Variants in ZNF721 observed in about 807,000 individuals in gnomAD.
ZNF721 encodes zinc finger protein 721.
A neutral mutation model predicts 2.4 loss-of-function variants in ZNF721; 2 were observed. The ratio of observed to expected loss-of-function variants is 0.82; its 90% confidence interval spans 0.34 to 2.58. The LOEUF (loss-of-function observed/expected upper bound fraction) is 2.58, where lower values mean the gene tolerates loss of function less well. Among genes scored for constraint, ZNF721 ranks in the 30% most tolerant of loss-of-function variants. The pLI, the probability that ZNF721 is intolerant of heterozygous loss-of-function variation, is 0.11. For synonymous variants in ZNF721, 398 were observed against 381.8 expected (o/e 1.04, Z -0.50); for missense variants, 1,187 against 1,085.5 (o/e 1.09, Z -1.31).
At chr4:446,489 T>G (rs1429492350) in intron 2 of ZNF721, among the ~76,000 whole-genome samples, 1 of 151,022 alleles carries the variant, frequency 6.6e-6, no homozygotes, top group Non-Finnish European at 1.5e-5. Flanking sequence ...CAAGCAATTC[T>G]TCTGCCTCAG....
chr4:495,185 A>AT (rs1395596974), intron 1 of ZNF721, among the ~76,000 whole-genome samples: 9 of 151,200 alleles, frequency 6.0e-5, no homozygotes, highest in East Asian at 1.9e-4. Context: ...CCCAGCCTAA[A>AT]TTTTTTTTTA....
intron 1 of ZNF721, among the ~76,000 whole-genome samples, chr4:484,197 A>C (rs530034847): frequency 1.3e-5 from 2 of 152,244 alleles, no homozygotes; most frequent in African/African-American, 4.8e-5. Context: ...TTTCATGGAC[A>C]CTTATCACTA....
At chr4:496,138 C>T (rs782003608) in intron 1 of ZNF721, among the ~76,000 whole-genome samples, 14 of 138,148 alleles carry the variant, frequency 1.0e-4, no homozygotes, top group Non-Finnish European at 1.7e-4. Flanking sequence ...CCAACCATAC[C>T]GCCTTTTTTG....
rs1296204417 is a variant in ZNF721, at chr4:440,423, T to C, written c.*1272A>G. 7 of 152,246 alleles carry C rather than the reference T, an allele frequency of 4.6e-5. 1 individual carries two copies. In the South Asian group the frequency reaches 1.5e-3, roughly 32 times the overall value. 9.4% of individuals were successfully genotyped at this position (152,246 alleles called of 1,614,324 possible). On this transcript the variant is annotated 3_prime_UTR_variant, in exon 3 of 3. Transcript: ENST00000511833. ...TTTACTTTTTTCAAGTGAAAAAATATATTTCGAATATATCTCTTCAAAAAC... is the reference window on the plus strand; with the variant it reads ...TTTACTTTTTTCAAGTGAAAAAATACATTTCGAATATATCTCTTCAAAAAC...
At chr4:486,373 T>C (rs1715898027) in intron 1 of ZNF721, among the ~76,000 whole-genome samples, 1 of 152,176 alleles carries the variant, frequency 6.6e-6, no homozygotes, top group South Asian at 2.1e-4. Context: ...TTAGCCAGCA[T>C]GGTCTTGATC....
At chr4:445,687 T>C (rs1333850012) in intron 2 of ZNF721, among the ~76,000 whole-genome samples, 1 of 149,160 alleles carries the variant, frequency 6.7e-6, no homozygotes, top group Admixed American at 6.7e-5. Flanking sequence ...AAAAAGGAGG[T>C]GAAAAATATA....
At chr4:479,926 A>G (rs1211374830) in intron 1 of ZNF721, among the ~76,000 whole-genome samples, 3 of 152,150 alleles carry the variant, frequency 2.0e-5, no homozygotes, top group African/African-American at 7.2e-5. Flanking sequence ...GGTTGTATAC[A>G]GGATTGTTTG....
chr4:483,642 A>C (rs1715825848), intron 1 of ZNF721, among the ~76,000 whole-genome samples: 1 of 152,146 alleles, frequency 6.6e-6, no homozygotes, highest in African/African-American at 2.4e-5. Flanking sequence ...GTGGGCAAAA[A>C]CGGGTAGTTC....
intron 1 of ZNF721, among the ~76,000 whole-genome samples, chr4:488,254 A>G (rs1369309500): frequency 1.2e-4 from 19 of 152,134 alleles, no homozygotes; most frequent in Non-Finnish European, 4.4e-5. Flanking sequence ...AATATCAAGG[A>G]CCTGGACAAC....
In ZNF721 at chr4:443,382, T is replaced by A. The variant is rs1411776941; in HGVS notation, c.1085A>T (p.Lys362Ile). ...RRIHTGEKPY[K>I]CEDCGKAFGR... ...AAAGGCTTTGCCACAGTCTTCGCAT[T>A]TGTAAGGTTTCTCTCCAGTATGAAT... is the stretch of plus-strand genomic sequence containing the variant. The change falls in exon 3 of 3, where the codon AAA becomes ATA. Residue 362 changes from lysine to isoleucine, a missense_variant. Physicochemically the swap from Lys to Ile is moderately radical, Grantham distance 102. Transcript: ENST00000511833. 2 of 1,613,838 alleles carry A rather than the reference T, an allele frequency of 1.2e-6. No homozygotes were observed. Among genetic ancestry groups the A allele is most frequent in the African/African-American group, 2.7e-5 (2 of 74,840 alleles).
chr4:496,150 G>T (rs935325775), intron 1 of ZNF721, among the ~76,000 whole-genome samples: 1 of 130,200 alleles, frequency 7.7e-6, no homozygotes, highest in Non-Finnish European at 1.7e-5. Context: ...CCTTTTTTGT[G>T]TGTGGGGGGT....
At chr4:481,925 C>T (rs1297177967) in intron 1 of ZNF721, among the ~76,000 whole-genome samples, 15 of 152,238 alleles carry the variant, frequency 9.9e-5, no homozygotes, top group Admixed American at 2.6e-4. Context: ...TTAATATAAA[C>T]AGAACTTAAA....
intron 1 of ZNF721, among the ~76,000 whole-genome samples, chr4:496,154 G>GA (rs57921652): frequency 0.25 from 27,680 of 111,642 alleles, 3,095 homozygotes; most frequent in Middle Eastern, 0.32. Flanking sequence ...TTTTGTGTGT[G>GA]GGGGGTAGAC....
At position 456,140 on chromosome 4, in the gene ZNF721, G is replaced by A. The variant is rs368135219; in HGVS notation, c.35-11708C>T. On this transcript the variant is annotated intron_variant, in intron 2 of 2. Transcript: ENST00000511833. ...GGCTGGAGTGCAGTGGCACAATGTC[G>A]GCTCACTGCAACCTCCGCCTCCCGG... is the stretch of plus-strand genomic sequence containing the variant. Among the ~76,000 whole-genome samples the A allele has an allele frequency of 1.3e-3, 196 of 151,716 alleles. 7 individuals are homozygous for A. The South Asian group carries it at 0.028, about 22-fold the overall frequency.
chr4:484,354 T>C (rs1553869924), intron 1 of ZNF721, among the ~76,000 whole-genome samples: 2 of 152,334 alleles, frequency 1.3e-5, no homozygotes, highest in Admixed American at 6.5e-5. Flanking sequence ...TTGAGCAATA[T>C]GAAATGTGTG....
intron 2 of ZNF721, among the ~76,000 whole-genome samples, chr4:458,415 A>G (rs184692933): frequency 6.6e-6 from 1 of 152,334 alleles, no homozygotes. Flanking sequence ...TCCCCAAACT[A>G]GTCTATAATG....
Position 483,467 on chromosome 4 carries a change from C to T in ZNF721, c.-93-10766G>A, listed in dbSNP as rs549659994. ...CTTGGGAGGCTGAGGCAGGAGAATC[C>T]CTTGAACCCAGGAGGCAGAGGTTGC... On this transcript the variant is annotated intron_variant, in intron 1 of 2. Transcript: ENST00000511833. Among the ~76,000 whole-genome samples the T allele has an allele frequency of 2.0e-5, 3 of 151,710 alleles. No individual in the cohort carries two copies. In the South Asian group the frequency reaches 6.2e-4, roughly 32 times the overall value.
chr4:458,914 G>T, intron 2 of ZNF721, among the ~76,000 whole-genome samples: 1 of 152,088 alleles, frequency 6.6e-6, no homozygotes, highest in African/African-American at 2.4e-5. Context: ...AGAAAGGTCA[G>T]GTTACCCACA....
chr4:441,926 T>C lies in ZNF721; in HGVS notation c.2541A>G (p.Arg847=), dbSNP rs1222736864. The C allele has an allele frequency of 6.2e-7, 1 of 1,613,776 alleles. No individual in the cohort carries two copies. The highest frequency in any genetic ancestry group is 8.5e-7 in the Non-Finnish European group (1 of 1,179,932). The change falls in exon 3 of 3, where the codon AGA becomes AGG. Residue 847 remains arginine (R), a synonymous_variant. Transcript: ENST00000511833. ...YTCEECGKAF[R]QSAILYVHRR... ...TATGTACATAAAGGATTGCTGACTG[T>C]CTAAAGGCTTTGCCACATTCTTCAC...
Sources: allele counts gnomAD v4.1 joint callset (sites outside exome capture counted in the v4.1 genomes callset), GRCh38; gene constraint gnomAD v4.1.1; transcripts MANE v1.5; gene names NCBI Gene and HGNC (gene_info 2026-07-23, HGNC 2026-07-21).